DPEP2: variants seen among roughly 807,000 people sequenced by gnomAD.
The protein encoded by DPEP2 is dipeptidase 2.
Under a neutral mutation model 51.8 loss-of-function variants are expected in DPEP2, and 45 were observed. That is an observed-to-expected ratio of 0.87 (90% CI 0.68 to 1.11). The LOEUF is 1.11. DPEP2 is among the 50% of genes most tolerant of loss of function. DPEP2 has a pLI of 0.00. For missense variants in DPEP2, 604 were observed against 631.9 expected (o/e 0.96, Z 0.47); for synonymous variants, 255 against 262.7 (o/e 0.97, Z 0.28).
Position 67,987,864 on chromosome 16 carries a change from T to C in DPEP2, c.1194A>G (p.Arg398=), listed in dbSNP as rs1284558872. ...CAGCCCAGAGTACCTTTTCCACTTG[T>C]CTGAAGACCCGCAGCAGGTTTCCAC... The part of the protein sequence containing the change: ...VLRGNLLRVF[R]QVEKVQEENK... Residue 398 remains arginine (R), a synonymous_variant, in exon 10 of 11, where the codon AGA becomes AGG. Coordinates refer to ENST00000393847, the MANE Select transcript of DPEP2 (RefSeq NM_022355.4). The C allele has an allele frequency of 1.9e-6, 3 of 1,614,068 alleles. No individual in the cohort carries two copies. Among genetic ancestry groups the C allele is most frequent in the Non-Finnish European group, 2.5e-6 (3 of 1,180,040 alleles).
In DPEP2 at chr16:67,987,437, C is replaced by T. The variant is rs2031524361; in HGVS notation, c.*69G>A. On this transcript the variant is annotated 3_prime_UTR_variant, in exon 11 of 11. Coordinates refer to ENST00000393847, the MANE Select transcript of DPEP2 (RefSeq NM_022355.4). Reference sequence around the variant, plus strand: ...TTATTTCAGGAAATATTTGTGCCTGCACAACAGGGGAACTTTGTGGGGTGT... The same window carrying T: ...TTATTTCAGGAAATATTTGTGCCTGTACAACAGGGGAACTTTGTGGGGTGT... The T allele has an allele frequency of 1.9e-6, 3 of 1,550,738 alleles. No individual in the cohort carries two copies. The highest frequency in any genetic ancestry group is 3.7e-5 in the Admixed American group (2 of 53,698).
chr16:67,987,827 T>C, intron 10 of DPEP2, 25 bp downstream of exon 10: 4 of 1,614,184 alleles, frequency 2.5e-6, no homozygotes, highest in East Asian at 2.2e-5. Flanking sequence ...ACCCCTCGGC[T>C]ACTCTCTTGC....
At chr16:67,997,352 ATATT>A (rs1257593769) in intron 1 of DPEP2, among the ~76,000 whole-genome samples, 1 of 147,340 alleles carries the variant, frequency 6.8e-6, no homozygotes, top group African/African-American at 2.5e-5. Flanking sequence ...TTTTATTTTT[ATATT>A]TATTTGTTTA....
chr16:68,000,529 C>T (rs1188186350), upstream of DPEP2: 5 of 976,524 alleles, frequency 5.1e-6, no homozygotes, highest in African/African-American at 1.8e-5. Context: ...CCTTTGATGT[C>T]GCCCTGGATC....
At chr16:67,992,404 A>T in intron 3 of DPEP2, 106 bp downstream of exon 3, 1 of 1,509,942 alleles carries the variant, frequency 6.6e-7, no homozygotes, top group Non-Finnish European at 8.9e-7. Flanking sequence ...TTGGGTCACT[A>T]TGGTAACTGA....
upstream of DPEP2, chr16:67,999,561 C>T (rs2032911435): frequency 4.1e-6 from 4 of 966,436 alleles, no homozygotes; most frequent in Non-Finnish European, 4.9e-6. Flanking sequence ...TCCTGGTTGG[C>T]TAACACTTGT....
chr16:67,990,070 G>C lies in DPEP2; in HGVS notation c.971C>G (p.Ser324Ter), dbSNP rs1368679118. Residue 324 changes from serine (S) to a stop codon, truncating the protein, a stop_gained, in exon 8 of 11, where the codon TCA becomes TGA. Transcript: ENST00000393847. LOFTEE classifies it high-confidence loss of function. ...LSMGVIQCNP[S>*]ANVSTVADHF... ...ACCTGCCACAGTGGACACATTGGCTGATGGGTTGCACTGTATTACTCCCAT... is the reference window on the plus strand; with the variant it reads ...ACCTGCCACAGTGGACACATTGGCTCATGGGTTGCACTGTATTACTCCCAT... 1.2e-6 allele frequency: 2 copies of C among 1,614,204 alleles called. No individual in the cohort carries two copies. The highest frequency in any genetic ancestry group is 1.7e-6 in the Non-Finnish European group (2 of 1,180,022).
intron 1 of DPEP2, chr16:67,993,643 T>C (rs2032467066): frequency 2.3e-5 from 23 of 990,082 alleles, no homozygotes; most frequent in Non-Finnish European, 2.8e-5. Context: ...TGCCCTGCCC[T>C]GGGAGATCTG....
intron 1 of DPEP2, 186 bp from the exon 2 acceptor site, chr16:67,993,443 A>C: frequency 8.0e-7 from 1 of 1,250,840 alleles, no homozygotes. Flanking sequence ...CGTCATCCCC[A>C]AGGGCGCTCC....
At chr16:67,995,878 C>T (rs573543779) in intron 1 of DPEP2, among the ~76,000 whole-genome samples, 54 of 151,966 alleles carry the variant, frequency 3.6e-4, no homozygotes, top group Middle Eastern at 3.4e-3. Context: ...TTGGGAGAAT[C>T]GTTTCAACCC....
rs776304169 is a variant in DPEP2, at chr16:67,991,072, T to C, written c.732+43A>G. On this transcript the variant is annotated intron_variant, in intron 6 of 10. Coordinates refer to ENST00000393847, the MANE Select transcript of DPEP2 (RefSeq NM_022355.4). The surrounding 1 kb of genome is among the most constrained non-coding windows in gnomAD (Gnocchi z 5.1). ...ATTTATTTGTAAGAAACAGCTGGGG[T>C]GTGCACATTTGTTTGGGGTGGAGTG... 25 of 1,613,884 alleles carry C rather than the reference T, an allele frequency of 1.5e-5. No homozygotes were observed. The highest frequency in any genetic ancestry group is 6.7e-5 in the Admixed American group (4 of 59,998).
rs113839257 is a variant in DPEP2, at chr16:67,990,550, G to A, written c.909+271C>T. 9.3e-3 allele frequency among the ~76,000 whole-genome samples: 1,409 copies of A among 152,120 alleles called. 22 individuals are homozygous for A. The highest frequency in any genetic ancestry group is 0.032 in the African/African-American group (1,315 of 41,498). Reference sequence around the variant, plus strand: ...GTGATCTTGGCTCACTGCAACCTCCGCCTCCCAGGTTCCAGAGATTCTCCT... The same window carrying A: ...GTGATCTTGGCTCACTGCAACCTCCACCTCCCAGGTTCCAGAGATTCTCCT... On this transcript the variant is annotated intron_variant, in intron 7 of 10. Coordinates refer to ENST00000393847, the MANE Select transcript of DPEP2 (RefSeq NM_022355.4).
intron 8 of DPEP2, 82 bp from the exon 9 acceptor site, chr16:67,989,480 C>A (rs1894843059): frequency 4.2e-6 from 6 of 1,438,734 alleles, no homozygotes; most frequent in Non-Finnish European, 4.9e-6. Context: ...CACTGAGTCT[C>A]CTTCTTGCAG....
rs1256440039 is a variant in DPEP2 at position 67,987,701 on chromosome 16, C to T, written c.1266G>A (p.Leu422=). The change falls in exon 11 of 11, where the codon CTG becomes CTA. Residue 422 remains leucine, a synonymous_variant. Coordinates refer to ENST00000393847, the MANE Select transcript of DPEP2 (RefSeq NM_022355.4). ...AGAGGTCGGAGTGGCAGGAACTGCT[C>T]AGCTGCTCATCCGGGAACTTGTCCT... ...PLEDKFPDEQ[L]SSSCHSDLSR... The T allele has an allele frequency of 3.1e-6, 5 of 1,614,194 alleles. No homozygotes were observed. The highest frequency in any genetic ancestry group is 4.2e-6 in the Non-Finnish European group (5 of 1,180,034).
intron 1 of DPEP2, chr16:67,994,262 C>G (rs1239869426): frequency 1.0e-6 from 1 of 985,390 alleles, no homozygotes; most frequent in Admixed American, 6.2e-5. Context: ...TGAGGAAAGC[C>G]CTGCCACCTG....
In DPEP2 at chr16:67,994,222, C is replaced by T. The variant is rs140524016; in HGVS notation, c.-45-965G>A. 1,534 of 985,520 alleles carry T rather than the reference C, an allele frequency of 1.6e-3. 11 individuals carry two copies. In the African/African-American group the frequency reaches 0.021, roughly 14 times the overall value. 61.0% of individuals were successfully genotyped at this position (985,520 alleles called of 1,614,324 possible). A position where few individuals can be genotyped will look rare whatever the true frequency, so the allele number is the denominator to read the frequency against. The stretch of plus-strand genomic sequence containing the variant: ...ACCTCCTACCTCCTTGAGGAAGCCC[C>T]GGCCTCGTCCAGGTCAGGAGTAAGG... On this transcript the variant is annotated intron_variant, in intron 1 of 10. Transcript: ENST00000393847.
chr16:68,000,567 T>G, upstream of DPEP2: 1 of 875,164 alleles, frequency 1.1e-6, no homozygotes, highest in Non-Finnish European at 1.4e-6. Flanking sequence ...ATACAGACAA[T>G]TCCCAAGAAA....
At chr16:67,988,452 A>G (rs2031701805) in intron 9 of DPEP2, among the ~76,000 whole-genome samples, 1 of 152,142 alleles carries the variant, frequency 6.6e-6, no homozygotes. Flanking sequence ...AGGAAAAATA[A>G]ATTAGCTGGG....
chr16:67,991,538 T>G lies in DPEP2; in HGVS notation c.662+300A>C. 1 of 510,138 alleles carries G rather than the reference T, an allele frequency of 2.0e-6. No individual in the cohort carries two copies. The highest frequency in any genetic ancestry group is 1.9e-5 in the African/African-American group (1 of 52,582). 31.6% of individuals were successfully genotyped at this position (510,138 alleles called of 1,614,324 possible). ...GATTATAGGCACGCACCACCACACCTGGCTAATTTTTGTGTTTTTCTTCAA... is the reference window on the plus strand; with the variant it reads ...GATTATAGGCACGCACCACCACACCGGGCTAATTTTTGTGTTTTTCTTCAA... On this transcript the variant is annotated intron_variant, in intron 5 of 10. Transcript: ENST00000393847. This position sits in a 1 kb window ranked among gnomAD's most constrained non-coding sequence, Gnocchi z 5.1.
Sources: allele counts gnomAD v4.1 joint callset (sites outside exome capture counted in the v4.1 genomes callset), GRCh38; gene constraint gnomAD v4.1.1; non-coding constraint Gnocchi (gnomAD v3.1); transcripts MANE v1.5; gene names NCBI Gene and HGNC (gene_info 2026-07-23, HGNC 2026-07-21).